TTC9: variants seen among roughly 807,000 people sequenced by gnomAD.
TTC9 encodes tetratricopeptide repeat protein 9A.
In TTC9, 13 loss-of-function variants were observed where a neutral mutation model predicts 22.9. The observed-to-expected ratio is 0.57, with a 90% CI of 0.37 to 0.90. TTC9 has a LOEUF of 0.90. Ranked by LOEUF, TTC9 falls within the 40% of genes least tolerant of loss-of-function variation. TTC9 has a pLI of 0.01. For missense variants in TTC9, 280 were observed against 291.8 expected (o/e 0.96, Z 0.29); for synonymous variants, 148 against 133.2 (o/e 1.11, Z -0.77).
chr14:70,651,383 G>A (rs535182212), intron 1 of TTC9, among the ~76,000 whole-genome samples: 7 of 143,592 alleles, frequency 4.9e-5, no homozygotes, highest in Admixed American at 2.0e-4. Flanking sequence ...TCTGTGTAGA[G>A]AAATTATGAG....
intron 1 of TTC9, among the ~76,000 whole-genome samples, chr14:70,660,205 A>G (rs1886126346): frequency 6.6e-6 from 1 of 152,228 alleles, no homozygotes; most frequent in Admixed American, 6.5e-5. Context: ...CACTAACAAG[A>G]GAAGTATCCA....
chr14:70,646,350 A>ATTG (rs1248843093), intron 1 of TTC9, among the ~76,000 whole-genome samples: 2 of 152,196 alleles, frequency 1.3e-5, no homozygotes, highest in African/African-American at 4.8e-5. Context: ...GGAAGCATGT[A>ATTG]TTGGCCTGTT....
chr14:70,669,473 G>T (rs1002817743), intron 2 of TTC9, among the ~76,000 whole-genome samples: 1 of 151,522 alleles, frequency 6.6e-6, no homozygotes, highest in Admixed American at 6.6e-5. Context: ...TATAGATGAA[G>T]TCTTGCTATG....
chr14:70,652,555 G>C (rs1886000154), intron 1 of TTC9, among the ~76,000 whole-genome samples: 1 of 152,184 alleles, frequency 6.6e-6, no homozygotes, highest in African/African-American at 2.4e-5. Context: ...TATTAGGCCA[G>C]GAAGTACTGG....
chr14:70,659,323 C>T (rs931284611), intron 1 of TTC9, among the ~76,000 whole-genome samples: 10 of 152,092 alleles, frequency 6.6e-5, no homozygotes, highest in African/African-American at 1.2e-4. Flanking sequence ...TTTCTTACAA[C>T]GGTAGGTGAA....
At chr14:70,659,132 G>GCGCGCGCACACA (rs762892061) in intron 1 of TTC9, among the ~76,000 whole-genome samples, 4 of 144,226 alleles carry the variant, frequency 2.8e-5, no homozygotes, top group East Asian at 2.0e-4. Context: ...ACACACACAC[G>GCGCGCGCACACA]CACACACACA....
At chr14:70,651,267 C>T (rs1885981603) in intron 1 of TTC9, among the ~76,000 whole-genome samples, 1 of 149,820 alleles carries the variant, frequency 6.7e-6, no homozygotes, top group Non-Finnish European at 1.5e-5. Flanking sequence ...CAGGCGTGAG[C>T]CACTGCACCC....
At chr14:70,667,414 A>G in intron 1 of TTC9, 150 bp from the exon 2 acceptor site, 1 of 762,606 alleles carries the variant, frequency 1.3e-6, no homozygotes, top group Non-Finnish European at 2.1e-6. Context: ...CTGGTCAGGG[A>G]GGCTAGGATT....
rs1332149907 is a variant in TTC9, at chr14:70,642,065, G to A, written c.-65G>A. The A allele has an allele frequency of 1.2e-5, 12 of 1,006,276 alleles. No homozygotes were observed. Among genetic ancestry groups the A allele is most frequent in the Non-Finnish European group, 1.4e-5 (12 of 842,974 alleles). 62.3% of individuals were successfully genotyped at this position (1,006,276 alleles called of 1,614,324 possible). A position where few individuals can be genotyped will look rare whatever the true frequency, so the allele number is the denominator to read the frequency against. On this transcript the variant is annotated 5_prime_UTR_variant, in exon 1 of 3. Transcript: ENST00000256367. ...CGCCCGCGGCTTTTAAACCCGGGAA[G>A]GCGCGGCGGCGGCGGCGGCGGCGGG... is the stretch of plus-strand genomic sequence containing the variant.
At chr14:70,660,473 A>G (rs1030307982) in intron 1 of TTC9, among the ~76,000 whole-genome samples, 2 of 152,254 alleles carry the variant, frequency 1.3e-5, no homozygotes, top group Non-Finnish European at 2.9e-5. Context: ...GTGACTTTCT[A>G]AAGAACTAGT....
Position 70,642,966 on chromosome 14 carries a change from G to GT in TTC9, c.406+432dup, listed in dbSNP as rs1885847042. 3.9e-5 allele frequency among the ~76,000 whole-genome samples: 6 copies of GT among 152,332 alleles called. No homozygotes were observed. In the South Asian group the frequency reaches 1.2e-3, roughly 32 times the overall value. ...TTAGGTAGCATGAGCACCAGGATTG[G>GT]TCCTCGCCTTTTCCCCAACTAACCG... On this transcript the variant is annotated intron_variant, in intron 1 of 2. Coordinates refer to ENST00000256367, the MANE Select transcript of TTC9 (RefSeq NM_015351.2).
chr14:70,642,420 G>A lies in TTC9; in HGVS notation c.291G>A (p.Arg97=), dbSNP rs747807540. The part of the protein sequence containing the change: ...LKGLLPPPGE[R]ERDSRPASPA... ...GGCTGCTGCCGCCCCCCGGGGAACG[G>A]GAGCGGGACTCGCGCCCGGCCTCCC... Residue 97 remains arginine (R), a synonymous_variant, in exon 1 of 3, where the codon CGG becomes CGA. Coordinates refer to ENST00000256367, the MANE Select transcript of TTC9 (RefSeq NM_015351.2). 1.9e-5 allele frequency: 31 copies of A among 1,592,204 alleles called. No individual in the cohort carries two copies. The East Asian group carries it at 7.1e-4, about 37-fold the overall frequency.
At chr14:70,664,634 C>A (rs563969715) in intron 1 of TTC9, among the ~76,000 whole-genome samples, 1 of 151,348 alleles carries the variant, frequency 6.6e-6, no homozygotes, top group African/African-American at 2.4e-5. Context: ...GAGGCTGAGA[C>A]GGGAGAATTG....
intron 1 of TTC9, among the ~76,000 whole-genome samples, chr14:70,658,775 T>C (rs1430140296): frequency 6.6e-6 from 1 of 152,218 alleles, no homozygotes; most frequent in African/African-American, 2.4e-5. Flanking sequence ...ATCAACTTTA[T>C]TCGTAATAAT....
chr14:70,656,210 T>TACACACACAC (rs34334641), intron 1 of TTC9, among the ~76,000 whole-genome samples: 3,765 of 147,984 alleles, frequency 0.025, 76 homozygotes, highest in Middle Eastern at 0.045. Context: ...TTCACCCTGA[T>TACACACACAC]ACACACACAC....
chr14:70,647,203 C>T (rs1885914655), intron 1 of TTC9, among the ~76,000 whole-genome samples: 1 of 152,206 alleles, frequency 6.6e-6, no homozygotes, highest in South Asian at 2.1e-4. Context: ...ACAATTTATA[C>T]TTCTGTAGCT....
chr14:70,651,745 G>A (rs1255909906), intron 1 of TTC9, among the ~76,000 whole-genome samples: 1 of 152,150 alleles, frequency 6.6e-6, no homozygotes, highest in Non-Finnish European at 1.5e-5. Flanking sequence ...GGTTCTGAAT[G>A]TTAGTCATAT....
Position 70,671,351 on chromosome 14 carries a change from G to T in TTC9, c.*196G>T. ...ATGCAAATTTGGAATCTGGTAGGTCGCCCAGACAATGGAGACATCCTCTCC... is the reference window on the plus strand; with the variant it reads ...ATGCAAATTTGGAATCTGGTAGGTCTCCCAGACAATGGAGACATCCTCTCC... On this transcript the variant is annotated 3_prime_UTR_variant, in exon 3 of 3. Transcript: ENST00000256367. The T allele has an allele frequency of 2.0e-6, 1 of 509,098 alleles. No individual in the cohort carries two copies. Among genetic ancestry groups the T allele is most frequent in the East Asian group, 3.7e-5 (1 of 27,296 alleles). 31.5% of individuals were successfully genotyped at this position (509,098 alleles called of 1,614,324 possible). A position where few individuals can be genotyped will look rare whatever the true frequency, so the allele number is the denominator to read the frequency against.
intron 1 of TTC9, among the ~76,000 whole-genome samples, chr14:70,647,213 T>C (rs77403817): frequency 0.01 from 1,596 of 152,356 alleles, 29 homozygotes; most frequent in African/African-American, 0.036. Context: ...CTTCTGTAGC[T>C]CATACATGCA....
Sources: gnomAD v4.1 joint callset for allele counts (sites outside exome capture counted in the v4.1 genomes callset) on GRCh38, gnomAD v4.1.1 for gene constraint, MANE v1.5 for transcripts, NCBI Gene and HGNC (gene_info 2026-07-23, HGNC 2026-07-21) for gene names.